ESCO2: variants seen among roughly 807,000 people sequenced by gnomAD.
The protein encoded by ESCO2 is N-acetyltransferase ESCO2.
ESCO2 carries 51 observed loss-of-function variants against 61.7 expected under a neutral mutation model. That is an observed-to-expected ratio of 0.83 (90% CI 0.66 to 1.04). The LOEUF (loss-of-function observed/expected upper bound fraction) is 1.04. Ranked by LOEUF, ESCO2 falls within the 50% of genes least tolerant of loss-of-function variation. The pLI, the probability that ESCO2 is intolerant of heterozygous loss-of-function variation, is 0.00. For synonymous variants in ESCO2, 230 were observed against 238.2 expected (o/e 0.97, Z 0.32); for missense variants, 692 against 686.2 (o/e 1.01, Z -0.09).
At chr8:27,798,288 C>T (rs1032163535) in intron 9 of ESCO2, among the ~76,000 whole-genome samples, 14 of 152,056 alleles carry the variant, frequency 9.2e-5, no homozygotes, top group East Asian at 3.9e-4. Context: ...TGAAACCCCC[C>T]GCCTCTACTA....
At chr8:27,779,530 G>C (rs1804875699) in intron 3 of ESCO2, 1 of 152,190 alleles carries the variant, frequency 6.6e-6, no homozygotes, top group African/African-American at 2.4e-5. Flanking sequence ...TTTCCAGTTT[G>C]GTGGCTGCTG....
intron 3 of ESCO2, 134 bp from the exon 4 acceptor site, chr8:27,780,040 T>G (rs913048514): frequency 1.5e-6 from 1 of 659,142 alleles, no homozygotes; most frequent in Non-Finnish European, 2.7e-6. Flanking sequence ...GAAAATTGAT[T>G]GAAAATCACA....
intron 10 of ESCO2, among the ~76,000 whole-genome samples, chr8:27,802,628 A>AC (rs1490078142): frequency 2.5e-4 from 15 of 60,390 alleles, no homozygotes; most frequent in Middle Eastern, 0.01. Context: ...AAAAAAAAAA[A>AC]AAATATATAT....
chr8:27,780,339 C>T, intron 4 of ESCO2, 72 bp downstream of exon 4: 1 of 1,001,358 alleles, frequency 1.0e-6, no homozygotes, highest in African/African-American at 1.6e-5. Flanking sequence ...AATAATAATT[C>T]TTGTAATTTC....
At chr8:27,773,338 A>G (rs1008405828), upstream of ESCO2, among the ~76,000 whole-genome samples, 8 of 152,170 alleles carry the variant, frequency 5.3e-5, no homozygotes, top group African/African-American at 1.9e-4. Context: ...TGATGCTTGT[A>G]GTTTCTATAC....
At chr8:27,784,202 G>A in intron 5 of ESCO2, 145 bp downstream of exon 5, 2 of 704,516 alleles carry the variant, frequency 2.8e-6, no homozygotes, top group Non-Finnish European at 4.9e-6. Flanking sequence ...TGAGAATAGG[G>A]TGATGAAATC....
chr8:27,781,080 T>C (rs1804916807), intron 4 of ESCO2, among the ~76,000 whole-genome samples: 1 of 152,070 alleles, frequency 6.6e-6, no homozygotes, highest in Admixed American at 6.5e-5. Flanking sequence ...TAAAGAAAAA[T>C]AGTGAATAAA....
chr8:27,773,608 A>G (rs1585386983), upstream of ESCO2: 2 of 151,640 alleles, frequency 1.3e-5, no homozygotes, highest in East Asian at 3.9e-4. Flanking sequence ...ACTTCATTCT[A>G]TGAAATTGAG....
At chr8:27,778,955 G>A (rs1034985977) in intron 3 of ESCO2, 24 of 152,282 alleles carry the variant, frequency 1.6e-4, no homozygotes, top group Non-Finnish European at 1.5e-5. Context: ...TCACTCCGTT[G>A]CCCAGGCTGG....
chr8:27,801,965 T>A (rs544114079), intron 10 of ESCO2, among the ~76,000 whole-genome samples: 1 of 133,636 alleles, frequency 7.5e-6, no homozygotes, highest in East Asian at 2.3e-4. Context: ...ATGTCCTTCA[T>A]GGCATTTTTT....
intron 6 of ESCO2, 25 bp downstream of exon 6, chr8:27,788,027 C>T: frequency 1.3e-6 from 2 of 1,542,460 alleles, no homozygotes; most frequent in Non-Finnish European, 1.8e-6. Flanking sequence ...AACAAAGCTT[C>T]TCCTATCTAG....
the ESCO2 span, among the ~76,000 whole-genome samples, chr8:27,818,478 A>G: frequency 6.6e-6 from 1 of 152,198 alleles, no homozygotes; most frequent in Non-Finnish European, 1.5e-5. Context: ...CAGATAATTT[A>G]CACAGTGTGA....
chr8:27,816,157 C>T (rs1585423704), downstream of ESCO2, among the ~76,000 whole-genome samples: 2 of 152,014 alleles, frequency 1.3e-5, no homozygotes, highest in South Asian at 4.2e-4. Context: ...TTCCTTGTAT[C>T]ATAACTGTCA....
chr8:27,811,550 T>C (rs1805684530), downstream of ESCO2, among the ~76,000 whole-genome samples: 1 of 152,044 alleles, frequency 6.6e-6, no homozygotes, highest in South Asian at 2.1e-4. Flanking sequence ...TTTCTATGCT[T>C]CCATGATTGC....
chr8:27,797,790 A>G (rs1805333620), intron 9 of ESCO2, among the ~76,000 whole-genome samples: 1 of 152,326 alleles, frequency 6.6e-6, no homozygotes, highest in East Asian at 1.9e-4. Flanking sequence ...GCTGATAACA[A>G]TTTATATCAC....
At chr8:27,772,628 G>A (rs1255322536), upstream of ESCO2, 10 of 1,391,580 alleles carry the variant, frequency 7.2e-6, no homozygotes, top group East Asian at 1.3e-4. Flanking sequence ...GCGGCCGCCT[G>A]GCCCCCGGAA....
upstream of ESCO2, chr8:27,772,607 C>G (rs149449164): frequency 2.6e-3 from 3,875 of 1,498,754 alleles, 66 homozygotes; most frequent in African/African-American, 0.045. Context: ...GCTCAGGATA[C>G]CAGACTCGCG....
upstream of ESCO2, among the ~76,000 whole-genome samples, chr8:27,774,017 A>G (rs1259638080): frequency 6.6e-6 from 1 of 152,240 alleles, no homozygotes; most frequent in Non-Finnish European, 1.5e-5. Flanking sequence ...CATGTAAAGC[A>G]TCTAAGAATG....
At chr8:27,775,475 T>C in intron 1 of ESCO2, 24 bp from the exon 2 acceptor site, 1 of 1,582,864 alleles carries the variant, frequency 6.3e-7, no homozygotes. Flanking sequence ...TTTTGATGAA[T>C]GTGGTTATTG....
Sources: allele counts gnomAD v4.1 joint callset (sites outside exome capture counted in the v4.1 genomes callset), GRCh38; gene constraint gnomAD v4.1.1; transcripts MANE v1.5; gene names NCBI Gene and HGNC (gene_info 2026-07-23, HGNC 2026-07-21).